SFI1: variants seen among roughly 807,000 people sequenced by gnomAD.
SFI1 encodes the protein SFI1 centrin binding protein.
In SFI1, 195 loss-of-function variants were observed where a neutral mutation model predicts 207.5. The ratio of observed to expected loss-of-function variants is 0.94; its 90% CI spans 0.84 to 1.06. SFI1 has a LOEUF of 1.06. SFI1 is among the 50% of genes least tolerant of loss of function. SFI1 has a pLI of 0.00. For synonymous variants in SFI1, 630 were observed against 598.9 expected, an observed-to-expected ratio of 1.05 and a Z score of -0.76; for missense variants, 1,634 against 1,588.0, an observed-to-expected ratio of 1.03 and a Z score of -0.49.
intron 15 of SFI1, among the ~76,000 whole-genome samples, chr22:31,593,251 C>A (rs1447199264): frequency 6.8e-6 from 1 of 147,804 alleles, no homozygotes; most frequent in Non-Finnish European, 1.5e-5. Context: ...GGGTGGTTGC[C>A]AGGCAGAGGG....
intron 2 of SFI1, among the ~76,000 whole-genome samples, chr22:31,526,979 C>T (rs1032680016): frequency 1.3e-5 from 2 of 152,176 alleles, no homozygotes; most frequent in African/African-American, 2.4e-5. Flanking sequence ...TCACCGCAAC[C>T]TCCGCCTCCC....
chr22:31,563,437 A>C (rs1398077049), intron 8 of SFI1, among the ~76,000 whole-genome samples: 1 of 152,186 alleles, frequency 6.6e-6, no homozygotes, highest in Non-Finnish European at 1.5e-5. Context: ...TAGGGAAACT[A>C]AACATAATGA....
intron 24 of SFI1, chr22:31,612,396 A>ATATATATATATATAT (rs1331671158): frequency 4.2e-5 from 4 of 95,742 alleles, no homozygotes; most frequent in African/African-American, 1.2e-4. Context: ...AAAAAAAAAA[A>ATATATATATATATAT]AAATATATAT....
chr22:31,559,597 CAGTACACTCAT>C, intron 7 of SFI1: 1 of 666,306 alleles, frequency 1.5e-6, no homozygotes, highest in African/African-American at 1.8e-5. Flanking sequence ...TGTGGGTTGA[CAGTACACTCAT>C]AGTGTTGAGG....
At position 31,564,998 on chromosome 22, in the gene SFI1, A is replaced by G. The variant is rs1291733910; in HGVS notation, c.765+3606A>G. 3.4e-5 allele frequency among the ~76,000 whole-genome samples: 4 copies of G among 118,972 alleles called. No individual in the cohort carries two copies. The East Asian group carries it at 7.4e-4, about 22-fold the overall frequency. The allele number at this position is 118,972 out of a possible 152,430, so 78.1% of individuals were successfully genotyped here. On this transcript the variant is annotated intron_variant, in intron 8 of 32. Coordinates refer to ENST00000400288, the MANE Select transcript of SFI1 (RefSeq NM_001007467.3). The stretch of plus-strand genomic sequence containing the variant: ...CTGGCTAATTTTTTTTTTTTTTTGT[A>G]TTTTTTAGTGGAGATGGGGTTTCAC...
chr22:31,535,680 G>C (rs11089515), intron 4 of SFI1, among the ~76,000 whole-genome samples: 12,199 of 151,816 alleles, frequency 0.08, 851 homozygotes, highest in East Asian at 0.37. Context: ...CACCATGCCC[G>C]GCTAATTTTA....
At chr22:31,603,673 G>A in intron 17 of SFI1, 71 bp from the exon 18 acceptor site, 1 of 1,309,194 alleles carries the variant, frequency 7.6e-7, no homozygotes, top group Non-Finnish European at 1.0e-6. Flanking sequence ...TATGGACTAT[G>A]AGGAGGAACC....
intron 10 of SFI1, 160 bp from the exon 11 acceptor site, chr22:31,578,222 A>C (rs2063726444): frequency 1.3e-5 from 6 of 473,636 alleles, no homozygotes. Context: ...CCCTTTGCCC[A>C]CTGCTTCCCT....
intron 6 of SFI1, chr22:31,550,608 G>T (rs899107114): frequency 2.8e-6 from 1 of 363,544 alleles, no homozygotes. Context: ...GCTGTTCCTG[G>T]CCTGCTGGTT....
At chr22:31,579,854 T>C (rs1306165944) in intron 11 of SFI1, among the ~76,000 whole-genome samples, 1 of 152,216 alleles carries the variant, frequency 6.6e-6, no homozygotes, top group Non-Finnish European at 1.5e-5. Context: ...GCACTGCATT[T>C]ATAATCATAC....
intron 4 of SFI1, among the ~76,000 whole-genome samples, chr22:31,541,351 T>C (rs1288843756): frequency 2.0e-5 from 3 of 152,180 alleles, no homozygotes; most frequent in African/African-American, 7.2e-5. Context: ...CTTTTTAGGC[T>C]TACACCTTTT....
chr22:31,519,321 T>C (rs1468615911), intron 2 of SFI1, among the ~76,000 whole-genome samples: 2 of 151,264 alleles, frequency 1.3e-5, no homozygotes, highest in African/African-American at 2.4e-5. Flanking sequence ...CTCAGGCTGG[T>C]GTGCAGTGGC....
chr22:31,522,446 T>C (rs1008528237), intron 2 of SFI1, among the ~76,000 whole-genome samples: 1 of 152,194 alleles, frequency 6.6e-6, no homozygotes, highest in Non-Finnish European at 1.5e-5. Flanking sequence ...CCAAAACTTT[T>C]CATCATCCCA....
chr22:31,534,508 C>T (rs1269221231), intron 4 of SFI1, among the ~76,000 whole-genome samples: 2 of 151,950 alleles, frequency 1.3e-5, no homozygotes, highest in African/African-American at 2.4e-5. Context: ...TATTCTCTTT[C>T]GGGTAGGTCT....
intron 7 of SFI1, chr22:31,559,806 C>A: frequency 1.4e-6 from 1 of 712,196 alleles, no homozygotes; most frequent in Non-Finnish European, 2.6e-6. Flanking sequence ...AAGCTCCGTG[C>A]AGATGTGGAG....
chr22:31,544,580 G>A (rs188458317), intron 4 of SFI1, among the ~76,000 whole-genome samples: 1 of 151,898 alleles, frequency 6.6e-6, no homozygotes, highest in Admixed American at 6.6e-5. Flanking sequence ...TAGTGAAACC[G>A]TGCCTCTACA....
At chr22:31,520,590 T>C (rs562564477) in intron 2 of SFI1, among the ~76,000 whole-genome samples, 9 of 152,126 alleles carry the variant, frequency 5.9e-5, no homozygotes, top group Non-Finnish European at 1.0e-4. Flanking sequence ...ATGACTTCTA[T>C]TGCCAGAGGG....
intron 10 of SFI1, among the ~76,000 whole-genome samples, chr22:31,576,747 C>A (rs1427216287): frequency 6.6e-6 from 1 of 151,048 alleles, no homozygotes; most frequent in Non-Finnish European, 1.5e-5. Flanking sequence ...TCAAGCGATT[C>A]TCCGGCCTCA....
intron 12 of SFI1, among the ~76,000 whole-genome samples, chr22:31,582,194 C>T (rs1477163464): frequency 4.0e-5 from 2 of 50,036 alleles, no homozygotes; most frequent in African/African-American, 7.3e-5. Flanking sequence ...AACAACACTT[C>T]TTTATTACAT....
Sources: allele counts gnomAD v4.1 joint callset (sites outside exome capture counted in the v4.1 genomes callset), GRCh38; gene constraint gnomAD v4.1.1; transcripts MANE v1.5; gene names NCBI Gene and HGNC (gene_info 2026-07-23, HGNC 2026-07-21).